Variants in PRMT8 observed in about 807,000 individuals in gnomAD.
The protein encoded by PRMT8 is protein arginine N-methyltransferase 8.
Under a neutral mutation model 47.1 loss-of-function variants are expected in PRMT8, and 7 were observed. The ratio of observed to expected loss-of-function variants is 0.15; its 90% CI spans 0.08 to 0.28. The LOEUF is 0.28. Ranked by LOEUF, PRMT8 falls within the 10% of genes least tolerant of loss-of-function variation. The pLI, the probability that PRMT8 is intolerant of heterozygous loss-of-function variation, is 1.00. For synonymous variants in PRMT8, 188 were observed against 186.5 expected (o/e 1.01, Z -0.07); for missense variants, 237 against 505.4 (o/e 0.47, Z 5.09).
intron 6 of PRMT8, among the ~76,000 whole-genome samples, chr12:3,575,196 C>A (rs935407681): frequency 1.3e-5 from 2 of 152,162 alleles, no homozygotes; most frequent in African/African-American, 4.8e-5. Flanking sequence ...TCTTTGTGTG[C>A]CTTATAAAAG....
At chr12:3,441,926 A>G (rs922896875) in intron 1 of PRMT8, among the ~76,000 whole-genome samples, 1 of 152,238 alleles carries the variant, frequency 6.6e-6, no homozygotes, top group African/African-American at 2.4e-5. Context: ...ATTGAAGTAA[A>G]AACAGCAACT....
chr12:3,540,616 C>CCCCCCGG lies in PRMT8; in HGVS notation c.90_91insCGGCCCC (p.Ser31ArgfsTer13). On this transcript the variant is annotated frameshift_variant, in exon 2 of 10. Transcript: ENST00000382622. LOFTEE classifies it high-confidence loss of function. ...TTCTCTTCCCCTCAGGTGAACAGCC[C>CCCCCCGG]CCCCTCCCAGCCCCCCCAGCCCGTC... 4.5e-6 allele frequency: 5 copies of CCCCCCGG among 1,116,938 alleles called. No individual in the cohort carries two copies. Among genetic ancestry groups the CCCCCCGG allele is most frequent in the Non-Finnish European group, 6.8e-6 (5 of 737,334 alleles). 69.2% of individuals were successfully genotyped at this position (1,116,938 alleles called of 1,614,324 possible).
intron 1 of PRMT8, among the ~76,000 whole-genome samples, chr12:3,475,148 G>A (rs991319530): frequency 7.2e-5 from 11 of 152,148 alleles, no homozygotes; most frequent in Non-Finnish European, 1.5e-4. Flanking sequence ...GAGGCGGCTG[G>A]GCCCTCACTT....
rs1168452021 is a variant in PRMT8, at chr12:3,564,237, C to T, written c.482-4469C>T. ...GGGCTTCATAGGCTCATAATATGTTCCCATGCCTGTGACCCTCATGCCTCC... is the reference window on the plus strand; with the variant it reads ...GGGCTTCATAGGCTCATAATATGTTTCCATGCCTGTGACCCTCATGCCTCC... On this transcript the variant is annotated intron_variant, in intron 4 of 9. Transcript: ENST00000382622. This position sits in a 1 kb window ranked among gnomAD's most constrained non-coding sequence, Gnocchi z 4.0. Among the ~76,000 whole-genome samples the T allele has an allele frequency of 6.6e-6, 1 of 152,056 alleles. No homozygotes were observed. Among genetic ancestry groups the T allele is most frequent in the Non-Finnish European group, 1.5e-5 (1 of 68,010 alleles).
chr12:3,589,242 A>C (rs764598609), intron 8 of PRMT8, among the ~76,000 whole-genome samples: 29 of 152,168 alleles, frequency 1.9e-4, no homozygotes, highest in Non-Finnish European at 3.5e-4. Context: ...ACAGATGTGA[A>C]CTGGAACTGT....
At chr12:3,471,685 C>CA (rs144162624) in intron 1 of PRMT8, among the ~76,000 whole-genome samples, 3 of 151,898 alleles carry the variant, frequency 2.0e-5, no homozygotes, top group Non-Finnish European at 4.4e-5. Flanking sequence ...GTCACACGAG[C>CA]AGCTGCCTTT....
intron 4 of PRMT8, 134 bp downstream of exon 4, chr12:3,553,848 G>A (rs538548935): frequency 1.2e-4 from 95 of 805,338 alleles, no homozygotes; most frequent in African/African-American, 1.0e-3. Flanking sequence ...TGAGGCCCCC[G>A]CCAGCAAGAC....
chr12:3,568,678 G>A (rs757871726), intron 4 of PRMT8, 28 bp from the exon 5 acceptor site: 11 of 1,613,956 alleles, frequency 6.8e-6, no homozygotes, highest in Admixed American at 6.7e-5. Flanking sequence ...TCCCTGCAAA[G>A]TATGGCCCTG....
intron 1 of PRMT8, among the ~76,000 whole-genome samples, chr12:3,465,819 C>G (rs1389615847): frequency 2.0e-5 from 3 of 152,218 alleles, no homozygotes; most frequent in Non-Finnish European, 4.4e-5. Flanking sequence ...CTGCTTCTCA[C>G]TCACACTTTA....
At chr12:3,584,451 G>T (rs1020669962) in intron 8 of PRMT8, among the ~76,000 whole-genome samples, 2 of 152,296 alleles carry the variant, frequency 1.3e-5, no homozygotes, top group Non-Finnish European at 2.9e-5. Flanking sequence ...CAGCTCAGGG[G>T]TTACCTGATC....
At chr12:3,477,893 A>T (rs11831147) in intron 1 of PRMT8, among the ~76,000 whole-genome samples, 10,133 of 152,242 alleles carry the variant, frequency 0.067, 1,047 homozygotes, top group African/African-American at 0.23. Flanking sequence ...ATAATGGAAT[A>T]AATATTCTCC....
At chr12:3,429,725 AC>A (rs1468657453) in intron 1 of PRMT8, among the ~76,000 whole-genome samples, 1 of 152,070 alleles carries the variant, frequency 6.6e-6, no homozygotes, top group African/African-American at 2.4e-5. Flanking sequence ...AGATGTCTGG[AC>A]TCCCAAGTGC....
intron 4 of PRMT8, among the ~76,000 whole-genome samples, chr12:3,556,396 A>G (rs1387291650): frequency 2.0e-5 from 3 of 152,006 alleles, no homozygotes; most frequent in African/African-American, 7.2e-5. Context: ...GGCATTCAGG[A>G]GAGAGGAGGA....
At chr12:3,422,145 G>A (rs1275387674) in intron 1 of PRMT8, among the ~76,000 whole-genome samples, 1 of 152,226 alleles carries the variant, frequency 6.6e-6, no homozygotes, top group African/African-American at 2.4e-5. Context: ...TTGGGCCTCA[G>A]TTTTCTCACC....
At chr12:3,546,124 G>A (rs1866324610) in intron 2 of PRMT8, among the ~76,000 whole-genome samples, 3 of 152,174 alleles carry the variant, frequency 2.0e-5, no homozygotes, top group Admixed American at 1.3e-4. Flanking sequence ...GTCACAGAAG[G>A]AAAGAGAGAC....
rs943409356 is a variant in PRMT8, at chr12:3,514,348, G to C, written c.75+22648G>C. Among the ~76,000 whole-genome samples, 1 of 152,072 alleles carries C rather than the reference G, an allele frequency of 6.6e-6. No individual in the cohort carries two copies. Among genetic ancestry groups the C allele is most frequent in the African/African-American group, 2.4e-5 (1 of 41,410 alleles). ...GCTGGGCTGGCACCAGGACCCTCTG[G>C]CTCACCTTGTGGGGGATGCCAGCAC... is the stretch of plus-strand genomic sequence containing the variant. On this transcript the variant is annotated intron_variant, in intron 1 of 9. Coordinates refer to ENST00000382622, the MANE Select transcript of PRMT8 (RefSeq NM_019854.5). The surrounding 1 kb of genome is among the most constrained non-coding windows in gnomAD (Gnocchi z 5.9).
intron 1 of PRMT8, among the ~76,000 whole-genome samples, chr12:3,479,070 G>A (rs560507407): frequency 6.6e-6 from 1 of 152,316 alleles, no homozygotes; most frequent in African/African-American, 2.4e-5. Flanking sequence ...GGCTCTGACT[G>A]GGAAGTGGCC....
chr12:3,418,407 G>A (rs1243844166), intron 1 of PRMT8, among the ~76,000 whole-genome samples: 1 of 152,216 alleles, frequency 6.6e-6, no homozygotes, highest in Non-Finnish European at 1.5e-5. Flanking sequence ...TGCTCTGGCA[G>A]GACAGTGCCA....
At chr12:3,429,885 G>C (rs1864655966) in intron 1 of PRMT8, among the ~76,000 whole-genome samples, 1 of 152,182 alleles carries the variant, frequency 6.6e-6, no homozygotes, top group South Asian at 2.1e-4. Flanking sequence ...TCCCCCACAG[G>C]GATGCTCCAC....
Sources: allele counts gnomAD v4.1 joint callset (sites outside exome capture counted in the v4.1 genomes callset), GRCh38; gene constraint gnomAD v4.1.1; non-coding constraint Gnocchi (gnomAD v3.1); transcripts MANE v1.5; gene names NCBI Gene and HGNC (gene_info 2026-07-23, HGNC 2026-07-21).